FRAS1: variants seen among roughly 807,000 people sequenced by gnomAD.
The protein encoded by FRAS1 is extracellular matrix organizing protein FRAS1.
Under a neutral mutation model 435.2 loss-of-function variants are expected in FRAS1, and 290 were observed. The ratio of observed to expected loss-of-function variants is 0.67; its 90% CI spans 0.61 to 0.73. The LOEUF is 0.73. Ranked by LOEUF, FRAS1 falls within the 30% of genes least tolerant of loss-of-function variation. FRAS1 has a pLI of 0.00. For missense variants in FRAS1, 4,860 were observed against 5,001.5 expected (o/e 0.97, Z 0.85); for synonymous variants, 1,800 against 1,851.0 (o/e 0.97, Z 0.71).
chr4:78,124,129 T>C (rs1719197024), intron 2 of FRAS1, among the ~76,000 whole-genome samples: 1 of 152,226 alleles, frequency 6.6e-6, no homozygotes. Context: ...ATAGCTCTTA[T>C]TATGTTGAGA....
chr4:78,210,256 CT>C (rs1289581559), intron 2 of FRAS1, among the ~76,000 whole-genome samples: 1 of 152,190 alleles, frequency 6.6e-6, no homozygotes, highest in Non-Finnish European at 1.5e-5. Flanking sequence ...TCCCAGAAGC[CT>C]TTTTCTCCAA....
At chr4:78,497,068 C>A in intron 60 of FRAS1, 107 bp downstream of exon 60, 1 of 839,784 alleles carries the variant, frequency 1.2e-6, no homozygotes, top group Non-Finnish European at 1.9e-6. Flanking sequence ...AGAATGCCTA[C>A]TGATAACATT....
At chr4:78,376,710 G>T (rs573752025) in intron 26 of FRAS1, among the ~76,000 whole-genome samples, 12 of 152,254 alleles carry the variant, frequency 7.9e-5, no homozygotes, top group Admixed American at 3.3e-4. Context: ...TGTAACATCG[G>T]CCGGGCATGG....
At chr4:78,389,172 G>A (rs1732347418) in intron 29 of FRAS1, among the ~76,000 whole-genome samples, 1 of 152,200 alleles carries the variant, frequency 6.6e-6, no homozygotes, top group South Asian at 2.1e-4. Context: ...AAAACTAGTT[G>A]ATGTTTCACT....
At chr4:78,521,926 C>G (rs1496597) in intron 68 of FRAS1, among the ~76,000 whole-genome samples, 27,509 of 152,090 alleles carry the variant, frequency 0.18, 2,561 homozygotes, top group Middle Eastern at 0.23. Flanking sequence ...AGCATTGATT[C>G]AATAATATCC....
At chr4:78,445,400 C>A in intron 41 of FRAS1, 122 bp from the exon 42 acceptor site, 1 of 1,319,596 alleles carries the variant, frequency 7.6e-7, no homozygotes, top group East Asian at 2.6e-5. Context: ...CCCACTCTCC[C>A]AACTTTATCC....
At chr4:78,485,100 G>T (rs1240639492) in intron 58 of FRAS1, among the ~76,000 whole-genome samples, 1 of 152,182 alleles carries the variant, frequency 6.6e-6, no homozygotes, top group Admixed American at 6.5e-5. Flanking sequence ...CCACTTCCTA[G>T]GTCTTTGGCC....
At chr4:78,438,334 C>T (rs1291099404) in intron 38 of FRAS1, among the ~76,000 whole-genome samples, 1 of 152,080 alleles carries the variant, frequency 6.6e-6, no homozygotes, top group Non-Finnish European at 1.5e-5. Context: ...AGTGCATTTC[C>T]CTTCTCTTAC....
At chr4:78,112,610 T>C (rs534671159) in intron 2 of FRAS1, among the ~76,000 whole-genome samples, 3 of 152,278 alleles carry the variant, frequency 2.0e-5, no homozygotes, top group Admixed American at 2.0e-4. Flanking sequence ...TAAGTAGTAC[T>C]TGTTCTTGCC....
At chr4:78,464,216 A>G (rs747427645) in intron 48 of FRAS1, 71 bp downstream of exon 48, 277 of 1,532,912 alleles carry the variant, frequency 1.8e-4, no homozygotes, top group Non-Finnish European at 2.3e-4. Context: ...TGGAGTAGGC[A>G]GAGTGACTGG....
chr4:78,379,505 A>C, intron 26 of FRAS1: 1 of 514,710 alleles, frequency 1.9e-6, no homozygotes, highest in Non-Finnish European at 3.4e-6. Context: ...GGAATACCGA[A>C]GTTCCCTAGA....
Position 78,363,566 on chromosome 4 carries a change from A to C in FRAS1, c.2476A>C (p.Ile826Leu). The change falls in exon 21 of 74, where the codon ATC becomes CTC. Residue 826 changes from isoleucine (I) to leucine (L), a missense_variant. By Grantham distance (5) the Ile-to-Leu change is conservative. Coordinates refer to ENST00000512123, the MANE Select transcript of FRAS1 (RefSeq NM_025074.7). ...CAADLHNTGS[I>L]CLRCQNAHYL... ...AGCTGATCTCCACAACACTGGGAGC[A>C]TCTGCCTCAGGTGCCAGAATGCCCA... 1.9e-6 allele frequency: 3 copies of C among 1,613,262 alleles called. No individual in the cohort carries two copies. Among genetic ancestry groups the C allele is most frequent in the Non-Finnish European group, 2.5e-6 (3 of 1,179,628 alleles).
At chr4:78,384,403 A>G (rs1054222188) in intron 28 of FRAS1, among the ~76,000 whole-genome samples, 2 of 152,182 alleles carry the variant, frequency 1.3e-5, no homozygotes, top group Non-Finnish European at 2.9e-5. Flanking sequence ...CCTTATGCCA[A>G]TATTATGAGG....
At chr4:78,120,888 G>C (rs538906369) in intron 2 of FRAS1, among the ~76,000 whole-genome samples, 19 of 152,250 alleles carry the variant, frequency 1.2e-4, no homozygotes, top group African/African-American at 4.6e-4. Flanking sequence ...CAGGTGGGGG[G>C]GATGGAGTTA....
chr4:78,101,130 C>G (rs1742108504), intron 2 of FRAS1, among the ~76,000 whole-genome samples: 1 of 151,436 alleles, frequency 6.6e-6, no homozygotes, highest in African/African-American at 2.4e-5. Flanking sequence ...TTTTTAAAGA[C>G]AGCTTGGCAT....
intron 2 of FRAS1, among the ~76,000 whole-genome samples, chr4:78,178,923 T>G (rs1721890302): frequency 6.6e-6 from 1 of 152,104 alleles, no homozygotes; most frequent in Admixed American, 6.5e-5. Flanking sequence ...AAAGGGTAGT[T>G]CCCACCCCCT....
chr4:78,282,722 C>T (rs1727388818), intron 11 of FRAS1, 98 bp from the exon 12 acceptor site: 2 of 1,401,430 alleles, frequency 1.4e-6, no homozygotes, highest in Non-Finnish European at 2.0e-6. Context: ...TAGCTGCCTT[C>T]ACTTTGTTCT....
chr4:78,519,657 TCCTGATG>T (rs1721327911), intron 67 of FRAS1, among the ~76,000 whole-genome samples, 176 bp downstream of exon 67: 1 of 152,160 alleles, frequency 6.6e-6, no homozygotes, highest in Non-Finnish European at 1.5e-5. Context: ...TGTCCTTCTG[TCCTGATG>T]CTGGAAGGTC....
In FRAS1 at chr4:78,265,270, G is replaced by T. The variant is rs891329316; in HGVS notation, c.687+162G>T. Among the ~76,000 whole-genome samples the T allele has an allele frequency of 2.6e-5, 4 of 152,246 alleles. No homozygotes were observed. In the South Asian group the frequency reaches 8.3e-4, roughly 32 times the overall value. ...TTTCTCTTCTCTTCACAGAAAACTT[G>T]TAGGAAAAAATTAAGTTGAAGAGGA... On this transcript the variant is annotated intron_variant, in intron 7 of 73. Coordinates refer to ENST00000512123, the MANE Select transcript of FRAS1 (RefSeq NM_025074.7).
Sources: gnomAD v4.1 joint callset for allele counts (sites outside exome capture counted in the v4.1 genomes callset) on GRCh38, gnomAD v4.1.1 for gene constraint, MANE v1.5 for transcripts, NCBI Gene and HGNC (gene_info 2026-07-23, HGNC 2026-07-21) for gene names.